Variants in FHIT observed in about 807,000 individuals in gnomAD.
FHIT encodes the protein fragile histidine triad diadenosine triphosphatase, also known as bis(5'-adenosyl)-triphosphatase.
FHIT carries 19 observed loss-of-function variants against 17.9 expected under a neutral mutation model. That is an observed-to-expected ratio of 1.06 (90% CI 0.74 to 1.56). The LOEUF is 1.56. Among genes scored for constraint, FHIT ranks in the 40% most tolerant of loss-of-function variants. FHIT has a pLI of 0.00. For synonymous variants in FHIT, 81 were observed against 69.7 expected (o/e 1.16, Z -0.81); for missense variants, 248 against 189.2 (o/e 1.31, Z -1.82).
chr3:59,777,339 C>A (rs963313510), intron 8 of FHIT, among the ~76,000 whole-genome samples: 1 of 151,902 alleles, frequency 6.6e-6, no homozygotes, highest in Admixed American at 6.6e-5. Context: ...TCTTTCCTCT[C>A]GCATGTGTAG....
intron 5 of FHIT, among the ~76,000 whole-genome samples, chr3:60,218,602 T>C (rs1003216510): frequency 3.9e-5 from 6 of 152,134 alleles, no homozygotes; most frequent in African/African-American, 9.6e-5. Context: ...CTTTCGATCT[T>C]ACAGAAAAGT....
At chr3:59,903,717 T>A (rs193122313) in intron 8 of FHIT, among the ~76,000 whole-genome samples, 54 of 152,200 alleles carry the variant, frequency 3.5e-4, no homozygotes, top group African/African-American at 1.3e-3. Context: ...AAAGGAGAAA[T>A]CACCAAAGGC....
chr3:61,053,617 C>G (rs972022621), intron 2 of FHIT, among the ~76,000 whole-genome samples: 2 of 151,750 alleles, frequency 1.3e-5, no homozygotes, highest in Non-Finnish European at 2.9e-5. Context: ...TAGATCGTGC[C>G]ATTGCATTCC....
At chr3:59,772,088 G>C (rs1371590935) in intron 8 of FHIT, among the ~76,000 whole-genome samples, 1 of 152,174 alleles carries the variant, frequency 6.6e-6, no homozygotes, top group Non-Finnish European at 1.5e-5. Flanking sequence ...ACAGTCACTG[G>C]CTTGTATCTC....
intron 3 of FHIT, among the ~76,000 whole-genome samples, chr3:60,891,522 G>A (rs541021464): frequency 5.3e-5 from 8 of 152,278 alleles, no homozygotes; most frequent in Non-Finnish European, 1.2e-4. Context: ...CCATTCCAGG[G>A]AGATAAACCC....
At chr3:61,140,954 G>A (rs1168290170) in intron 2 of FHIT, among the ~76,000 whole-genome samples, 2 of 152,140 alleles carry the variant, frequency 1.3e-5, no homozygotes. Flanking sequence ...GGAGGTACAC[G>A]GATGTACAAA....
At chr3:59,905,360 G>A (rs1210917715) in intron 8 of FHIT, among the ~76,000 whole-genome samples, 5 of 152,210 alleles carry the variant, frequency 3.3e-5, no homozygotes, top group Non-Finnish European at 4.4e-5. Flanking sequence ...CAGAATGGGG[G>A]TGATACCAGT....
At chr3:59,986,540 T>TATATATACACAC (rs1473518719) in intron 7 of FHIT, among the ~76,000 whole-genome samples, 1 of 12,454 alleles carries the variant, frequency 8.0e-5, no homozygotes, top group African/African-American at 3.5e-4. Context: ...TATATATATA[T>TATATATACACAC]ACACACACAC....
intron 3 of FHIT, among the ~76,000 whole-genome samples, chr3:60,965,580 T>G (rs1709688587): frequency 1.3e-5 from 2 of 152,296 alleles, no homozygotes; most frequent in Admixed American, 6.5e-5. Context: ...TTATCTATCT[T>G]TGGTCTTTGA....
chr3:60,895,511 A>T (rs1705745394), intron 3 of FHIT, among the ~76,000 whole-genome samples: 1 of 152,206 alleles, frequency 6.6e-6, no homozygotes, highest in African/African-American at 2.4e-5. Flanking sequence ...ACACCTATTG[A>T]CAATTCTACT....
At chr3:60,619,943 A>G (rs557943764) in intron 4 of FHIT, among the ~76,000 whole-genome samples, 2 of 152,036 alleles carry the variant, frequency 1.3e-5, no homozygotes, top group Admixed American at 6.5e-5. Flanking sequence ...TATCCAAAAT[A>G]TTTTTTTTAA....
chr3:59,808,309 A>G (rs1700282069), intron 8 of FHIT, among the ~76,000 whole-genome samples: 1 of 152,152 alleles, frequency 6.6e-6, no homozygotes, highest in Admixed American at 6.5e-5. Context: ...CAAGGCTAGA[A>G]GTCCACATGG....
intron 5 of FHIT, among the ~76,000 whole-genome samples, chr3:60,399,321 TAGA>T (rs1701573735): frequency 6.6e-6 from 1 of 152,198 alleles, no homozygotes; most frequent in Non-Finnish European, 1.5e-5. Context: ...ACCCTCAGGA[TAGA>T]AGAAGTAGTA....
intron 4 of FHIT, among the ~76,000 whole-genome samples, chr3:60,685,895 A>G (rs180881588): frequency 2.0e-5 from 3 of 152,276 alleles, no homozygotes; most frequent in East Asian, 3.9e-4. Flanking sequence ...TGATTTTTAT[A>G]TTTATCTTAC....
At chr3:60,612,659 G>T (rs551222534) in intron 4 of FHIT, among the ~76,000 whole-genome samples, 60 of 152,240 alleles carry the variant, frequency 3.9e-4, no homozygotes, top group African/African-American at 1.4e-3. Context: ...TTAAATTTCA[G>T]AATTTTTAAA....
intron 5 of FHIT, among the ~76,000 whole-genome samples, chr3:60,309,008 C>T (rs1449602236): frequency 1.3e-5 from 2 of 152,126 alleles, no homozygotes; most frequent in Non-Finnish European, 2.9e-5. Flanking sequence ...TTAAGATATC[C>T]ACTTTCTAGG....
chr3:60,203,513 T>A (rs1394413959), intron 5 of FHIT, among the ~76,000 whole-genome samples: 1 of 152,232 alleles, frequency 6.6e-6, no homozygotes, highest in Non-Finnish European at 1.5e-5. Context: ...AGAGTTTTTA[T>A]CACTGAAAGC....
At chr3:59,907,269 C>G (rs756709233) in intron 8 of FHIT, among the ~76,000 whole-genome samples, 4 of 152,208 alleles carry the variant, frequency 2.6e-5, no homozygotes, top group Non-Finnish European at 5.9e-5. Flanking sequence ...AACTTTGTAG[C>G]ACAGTTACTG....
intron 5 of FHIT, among the ~76,000 whole-genome samples, chr3:60,320,012 C>T (rs1177468167): frequency 1.3e-5 from 2 of 152,124 alleles, no homozygotes; most frequent in Admixed American, 6.6e-5. Context: ...CAATTTAAAG[C>T]GCTCCGTAGG....
Sources: allele counts gnomAD v4.1 joint callset (sites outside exome capture counted in the v4.1 genomes callset), GRCh38; gene constraint gnomAD v4.1.1; transcripts MANE v1.5; gene names NCBI Gene and HGNC (gene_info 2026-07-23, HGNC 2026-07-21).